Variants in STX6 observed in about 807,000 individuals in gnomAD.
STX6 encodes the protein syntaxin-6.
In STX6, 23 loss-of-function variants were observed where a neutral mutation model predicts 38.0. That is an observed-to-expected ratio of 0.60 (90% CI 0.43 to 0.86). The LOEUF (loss-of-function observed/expected upper bound fraction) is 0.86. STX6 is among the 40% of genes least tolerant of loss of function. The probability of loss-of-function intolerance (pLI) is 0.00; values close to 1 mark genes in which losing one functional copy is unlikely to be tolerated. For missense variants in STX6, 274 were observed against 312.9 expected (o/e 0.88, Z 0.94); for synonymous variants, 123 against 107.5 (o/e 1.14, Z -0.89).
At chr1:180,985,565 C>T (rs1013710029) in intron 6 of STX6, among the ~76,000 whole-genome samples, 6 of 152,196 alleles carry the variant, frequency 3.9e-5, no homozygotes, top group South Asian at 2.1e-4. Flanking sequence ...TGCATGCACA[C>T]GCGCATTTCC....
chr1:180,978,858 A>G (rs948247650), intron 7 of STX6, among the ~76,000 whole-genome samples: 3 of 152,168 alleles, frequency 2.0e-5, no homozygotes, highest in African/African-American at 7.2e-5. Flanking sequence ...GTAAAGGTCT[A>G]TTTACCACAG....
At chr1:180,996,299 C>T (rs570598087) in intron 3 of STX6, among the ~76,000 whole-genome samples, 1 of 152,206 alleles carries the variant, frequency 6.6e-6, no homozygotes, top group African/African-American at 2.4e-5. Context: ...GCAACACAAT[C>T]CACACAATGC....
At chr1:180,987,988 C>T (rs1054877053) in intron 6 of STX6, 3 of 359,780 alleles carry the variant, frequency 8.3e-6, no homozygotes, top group Admixed American at 8.7e-5. Context: ...AGTATCTGCT[C>T]AGAGACATCT....
chr1:181,004,059 T>C (rs72709643), intron 2 of STX6, among the ~76,000 whole-genome samples: 4,528 of 152,324 alleles, frequency 0.03, 87 homozygotes, highest in Non-Finnish European at 0.046. Flanking sequence ...CACTATTACA[T>C]AAGCTGTGTG....
chr1:181,022,689 G>A lies in STX6; in HGVS notation c.-16C>T, dbSNP rs772453142. On this transcript the variant is annotated 5_prime_UTR_variant, in exon 1 of 8. Transcript: ENST00000258301. ...CCATGGACATGGCGTCCCGGCCCCGGCCGCCTTCACCTCCTCCGCGCACAG... is the reference window on the plus strand; with the variant it reads ...CCATGGACATGGCGTCCCGGCCCCGACCGCCTTCACCTCCTCCGCGCACAG... 4.4e-6 allele frequency: 7 copies of A among 1,604,466 alleles called. No individual in the cohort carries two copies. The highest frequency in any genetic ancestry group is 4.0e-5 in the African/African-American group (3 of 74,648).
intron 7 of STX6, among the ~76,000 whole-genome samples, chr1:180,982,696 G>A (rs1400079896): frequency 6.6e-6 from 1 of 152,236 alleles, no homozygotes; most frequent in Non-Finnish European, 1.5e-5. Context: ...ATACATGAGT[G>A]AGAGGCCTGG....
At chr1:180,977,225 C>T (rs549653819) in intron 7 of STX6, among the ~76,000 whole-genome samples, 2 of 152,344 alleles carry the variant, frequency 1.3e-5, no homozygotes, top group East Asian at 3.9e-4. Context: ...TGTACAGCTC[C>T]TCTGTAAATG....
chr1:181,012,476 C>T (rs902788113), intron 1 of STX6, among the ~76,000 whole-genome samples: 4 of 152,120 alleles, frequency 2.6e-5, no homozygotes, highest in African/African-American at 7.2e-5. Flanking sequence ...GTCATCTTCT[C>T]AAGGATTAAA....
At chr1:180,984,069 A>AC (rs1165631731) in intron 7 of STX6, among the ~76,000 whole-genome samples, 1 of 146,142 alleles carries the variant, frequency 6.8e-6, no homozygotes, top group African/African-American at 2.5e-5. Flanking sequence ...ATCTCAAAAA[A>AC]AAAAAAAAAA....
chr1:181,005,216 A>G (rs1383019083), intron 2 of STX6, 78 bp downstream of exon 2: 10 of 1,543,494 alleles, frequency 6.5e-6, no homozygotes, highest in Non-Finnish European at 7.0e-6. Context: ...TTTCATCTAC[A>G]TACTGGAAAC....
In STX6 at chr1:181,006,699, C is replaced by G. The variant is rs530954566; in HGVS notation, c.36-1236G>C. 3.9e-5 allele frequency among the ~76,000 whole-genome samples: 6 copies of G among 152,102 alleles called. 1 individual carries two copies. In the South Asian group the frequency reaches 1.2e-3, roughly 32 times the overall value. On this transcript the variant is annotated intron_variant, in intron 1 of 7. Coordinates refer to ENST00000258301, the MANE Select transcript of STX6 (RefSeq NM_005819.6). ...GTGTTTGTTGTCTATGGCTTTAAAA[C>G]AGAATTCACACGCATCCTATACCCT...
chr1:181,004,692 C>T (rs1335709924), intron 2 of STX6, among the ~76,000 whole-genome samples: 1 of 152,102 alleles, frequency 6.6e-6, no homozygotes, highest in Admixed American at 6.6e-5. Flanking sequence ...ATGGATAAAC[C>T]TAAGGAAACT....
chr1:180,987,351 C>T (rs1192213056), intron 6 of STX6, among the ~76,000 whole-genome samples: 1 of 152,208 alleles, frequency 6.6e-6, no homozygotes, highest in Non-Finnish European at 1.5e-5. Flanking sequence ...CTGGCCCCAT[C>T]ACAGGGGCCC....
chr1:180,993,647 A>T (rs550777174), intron 3 of STX6, among the ~76,000 whole-genome samples: 1 of 151,998 alleles, frequency 6.6e-6, no homozygotes. Context: ...ATAGGAGGAA[A>T]GAGAAAGGAA....
intron 1 of STX6, among the ~76,000 whole-genome samples, chr1:181,022,229 TCAGGAGGGC>T (rs1656752319): frequency 6.6e-6 from 1 of 151,726 alleles, no homozygotes; most frequent in Non-Finnish European, 1.5e-5. Flanking sequence ...ACTACAAAGC[TCAGGAGGGC>T]CATTTCCCTT....
intron 1 of STX6, among the ~76,000 whole-genome samples, chr1:181,013,218 TGAG>T (rs1656460119): frequency 6.6e-6 from 1 of 151,650 alleles, no homozygotes. Context: ...CCAAGTAAAA[TGAG>T]AAGAAAGAGT....
intron 7 of STX6, among the ~76,000 whole-genome samples, chr1:180,977,190 A>C (rs1655279637): frequency 6.6e-6 from 1 of 152,254 alleles, no homozygotes; most frequent in Admixed American, 6.5e-5. Flanking sequence ...AAGATTACTT[A>C]ACTAGTAACT....
intron 4 of STX6, among the ~76,000 whole-genome samples, chr1:180,990,529 C>T (rs1655726216): frequency 6.9e-6 from 1 of 145,408 alleles, no homozygotes; most frequent in Non-Finnish European, 1.5e-5. Context: ...AAGTGTGACC[C>T]AGGGGAAGTT....
rs562724298 is a variant in STX6 at position 181,022,790 on chromosome 1, G to C, written c.-117C>G. On this transcript the variant is annotated 5_prime_UTR_variant, in exon 1 of 8. Coordinates refer to ENST00000258301, the MANE Select transcript of STX6 (RefSeq NM_005819.6). ...CTGCCCGCGCCTTAGTCTGGGTGAA[G>C]CCGAGCAGCGGGCACGCGCACAGGC... 5.7e-6 allele frequency: 6 copies of C among 1,057,080 alleles called. No individual in the cohort carries two copies. In the South Asian group the frequency reaches 8.4e-5, roughly 15 times the overall value. 65.5% of individuals were successfully genotyped at this position (1,057,080 alleles called of 1,614,324 possible).
Sources: allele counts gnomAD v4.1 joint callset (sites outside exome capture counted in the v4.1 genomes callset), GRCh38; gene constraint gnomAD v4.1.1; transcripts MANE v1.5; gene names NCBI Gene and HGNC (gene_info 2026-07-23, HGNC 2026-07-21).